MECOM: variants seen among roughly 807,000 people sequenced by gnomAD.
The protein encoded by MECOM is histone-lysine N-methyltransferase MECOM.
MECOM carries 13 observed loss-of-function variants against 116.3 expected under a neutral mutation model. That is an observed-to-expected ratio of 0.11 (90% CI 0.07 to 0.18). The LOEUF is 0.18. Ranked by LOEUF, MECOM falls within the 10% of genes least tolerant of loss-of-function variation. The pLI, the probability that MECOM is intolerant of heterozygous loss-of-function variation, is 1.00. For synonymous variants in MECOM, 528 were observed against 535.2 expected, an observed-to-expected ratio of 0.99 and a Z score of 0.19; for missense variants, 1,299 against 1,509.0, an observed-to-expected ratio of 0.86 and a Z score of 2.31.
chr3:169,568,548 A>G (rs533764481), intron 1 of MECOM, among the ~76,000 whole-genome samples: 1 of 152,286 alleles, frequency 6.6e-6, no homozygotes, highest in African/African-American at 2.4e-5. Context: ...GGCATCCACC[A>G]TTACTGAGGC....
intron 1 of MECOM, among the ~76,000 whole-genome samples, chr3:169,581,869 A>G (rs558801054): frequency 6.6e-6 from 1 of 152,362 alleles, no homozygotes; most frequent in South Asian, 2.1e-4. Flanking sequence ...TGACAGGGAT[A>G]TGACTAATGA....
At chr3:169,663,013 G>T (rs1379646807) in intron 1 of MECOM, among the ~76,000 whole-genome samples, 1 of 77,610 alleles carries the variant, frequency 1.3e-5, no homozygotes, top group Non-Finnish European at 2.5e-5. Context: ...ACCCCTTCGC[G>T]CTCACTCTCG....
chr3:169,260,134 G>T (rs1485734855), intron 2 of MECOM, among the ~76,000 whole-genome samples: 1 of 152,114 alleles, frequency 6.6e-6, no homozygotes, highest in African/African-American at 2.4e-5. Context: ...GGTATTAATA[G>T]GTTCGTGTCC....
intron 16 of MECOM, among the ~76,000 whole-genome samples, chr3:169,085,473 C>A (rs1165892247): frequency 1.3e-5 from 2 of 152,216 alleles, no homozygotes; most frequent in Non-Finnish European, 2.9e-5. Flanking sequence ...TACAGCCTGA[C>A]TCCTACACTT....
chr3:169,647,047 AGT>A (rs1288388715), intron 1 of MECOM, among the ~76,000 whole-genome samples: 1 of 152,230 alleles, frequency 6.6e-6, no homozygotes, highest in African/African-American at 2.4e-5. Context: ...TTTAAGTTAA[AGT>A]GTCTTTTTTC....
chr3:169,350,732 A>C (rs760598584), intron 2 of MECOM, among the ~76,000 whole-genome samples: 31 of 151,804 alleles, frequency 2.0e-4, no homozygotes, highest in Non-Finnish European at 3.4e-4. Context: ...ATTTTCAATT[A>C]CTTATGTGAC....
At chr3:169,217,572 T>C (rs1328496742) in intron 2 of MECOM, among the ~76,000 whole-genome samples, 1 of 151,870 alleles carries the variant, frequency 6.6e-6, no homozygotes, top group Non-Finnish European at 1.5e-5. Context: ...ATCACTGAGG[T>C]CAGGAGTTTG....
intron 1 of MECOM, among the ~76,000 whole-genome samples, chr3:169,478,974 A>G (rs562552156): frequency 1.3e-5 from 2 of 152,304 alleles, no homozygotes; most frequent in African/African-American, 2.4e-5. Context: ...AGCATTATTT[A>G]TTCACCAAAA....
intron 1 of MECOM, among the ~76,000 whole-genome samples, chr3:169,522,328 G>T (rs1238252200): frequency 6.6e-6 from 1 of 152,220 alleles, no homozygotes; most frequent in Non-Finnish European, 1.5e-5. Context: ...CAAAGGGTCA[G>T]CTGCGGGTGG....
intron 1 of MECOM, among the ~76,000 whole-genome samples, chr3:169,568,938 G>A (rs963254418): frequency 4.6e-5 from 7 of 152,090 alleles, no homozygotes; most frequent in Admixed American, 6.5e-5. Context: ...ATCAACTAAC[G>A]GGCAAAATAA....
intron 2 of MECOM, among the ~76,000 whole-genome samples, chr3:169,274,506 C>G (rs1412809384): frequency 6.6e-6 from 1 of 152,098 alleles, no homozygotes; most frequent in Admixed American, 6.5e-5. Context: ...TGAAGCAAAA[C>G]AAACCCTGGA....
intron 2 of MECOM, among the ~76,000 whole-genome samples, chr3:169,174,209 T>C (rs113573408): frequency 5.9e-5 from 9 of 152,322 alleles, no homozygotes; most frequent in East Asian, 1.9e-4. Flanking sequence ...TTCATGTATA[T>C]ACATTTTGCC....
chr3:169,472,417 G>GAGGAA (rs774836004), intron 1 of MECOM, among the ~76,000 whole-genome samples: 58 of 137,434 alleles, frequency 4.2e-4, no homozygotes, highest in African/African-American at 9.0e-4. Flanking sequence ...GAGGAGAGGA[G>GAGGAA]AGGAAAGGAA....
Position 169,263,274 on chromosome 3 carries a change from G to A in MECOM, c.375+117913C>T, listed in dbSNP as rs1377915351. ...CTCCCGAGTAGCTGGGACTACAGGC[G>A]CCCGCCACCATGCTCGGTTAATCTT... On this transcript the variant is annotated intron_variant, in intron 2 of 16. Transcript: ENST00000651503. Among the ~76,000 whole-genome samples, 40 of 150,012 alleles carry A rather than the reference G, an allele frequency of 2.7e-4. No homozygotes were observed. The South Asian group carries it at 3.8e-3, about 14-fold the overall frequency.
intron 2 of MECOM, among the ~76,000 whole-genome samples, chr3:169,150,292 CCT>C (rs1200528391): frequency 2.0e-5 from 3 of 152,090 alleles, no homozygotes; most frequent in Non-Finnish European, 2.9e-5. Flanking sequence ...TGCTTCTTCC[CCT>C]GTTAGCTTGC....
At chr3:169,523,954 A>G (rs1308715846) in intron 1 of MECOM, among the ~76,000 whole-genome samples, 1 of 148,334 alleles carries the variant, frequency 6.7e-6, no homozygotes, top group African/African-American at 2.5e-5. Context: ...ATATGTGTGT[A>G]TATATACACA....
chr3:169,108,058 G>C, intron 9 of MECOM, 106 bp from the exon 10 acceptor site: 2 of 892,694 alleles, frequency 2.2e-6, no homozygotes. Flanking sequence ...AGTAATTTTT[G>C]CTTATCATGT....
intron 1 of MECOM, among the ~76,000 whole-genome samples, chr3:169,489,338 G>A (rs1752796626): frequency 6.6e-6 from 1 of 152,150 alleles, no homozygotes; most frequent in South Asian, 2.1e-4. Flanking sequence ...TATAGAGAAA[G>A]TGACAAGTCA....
At chr3:169,098,565 T>A (rs990316773) in intron 12 of MECOM, among the ~76,000 whole-genome samples, 2 of 152,244 alleles carry the variant, frequency 1.3e-5, no homozygotes, top group African/African-American at 2.4e-5. Context: ...AGGTAGTATC[T>A]GCCAGGTTTG....
Sources: gnomAD v4.1 joint callset for allele counts (sites outside exome capture counted in the v4.1 genomes callset) on GRCh38, gnomAD v4.1.1 for gene constraint, MANE v1.5 for transcripts, NCBI Gene and HGNC (gene_info 2026-07-23, HGNC 2026-07-21) for gene names.